Variants in CNTNAP2 observed in about 807,000 individuals in gnomAD.
The protein encoded by CNTNAP2 is contactin associated protein 2, also known as contactin-associated protein-like 2.
CNTNAP2 carries 98 observed loss-of-function variants against 155.2 expected under a neutral mutation model. The observed-to-expected ratio is 0.63, with a 90% CI of 0.54 to 0.75. The LOEUF (loss-of-function observed/expected upper bound fraction) is 0.75, where lower values mean the gene tolerates loss of function less well. Among genes scored for constraint, CNTNAP2 ranks in the 30% least tolerant of loss-of-function variants. The pLI, the probability that CNTNAP2 is intolerant of heterozygous loss-of-function variation, is 0.00. For synonymous variants in CNTNAP2, 651 were observed against 631.2 expected (o/e 1.03, Z -0.47); for missense variants, 1,727 against 1,688.1 (o/e 1.02, Z -0.40).
At chr7:147,426,776 C>A (rs1388604767) in intron 10 of CNTNAP2, among the ~76,000 whole-genome samples, 2 of 152,026 alleles carry the variant, frequency 1.3e-5, no homozygotes, top group Non-Finnish European at 2.9e-5. Flanking sequence ...AGTGTCTCAC[C>A]TGGGGAAAAG....
rs3050924 is a variant in CNTNAP2 at position 146,373,405 on chromosome 7, TAC to T, written c.97+256459_97+256460del. ...AGAAAAATAAAAGGAACTTAACACA[TAC>T]ACACACACACACACACACACACACA... On this transcript the variant is annotated intron_variant, in intron 1 of 23. Transcript: ENST00000361727. Among the ~76,000 whole-genome samples the T allele has an allele frequency of 4.3e-3, 608 of 143,022 alleles. 2 individuals are homozygous for T. The highest frequency in any genetic ancestry group is 0.02 in the South Asian group (89 of 4,452). 93.8% of individuals were successfully genotyped at this position (143,022 alleles called of 152,430 possible).
chr7:146,446,051 A>G lies in CNTNAP2; in HGVS notation c.98-328220A>G, dbSNP rs1004480211. On this transcript the variant is annotated intron_variant, in intron 1 of 23. Transcript: ENST00000361727. ...AGAATCACATTAACTCCAGAGCAGA[A>G]AAGAACCGTAGATCATTCTTACTAA... is the stretch of plus-strand genomic sequence containing the variant. Among the ~76,000 whole-genome samples the G allele has an allele frequency of 3.3e-5, 5 of 152,170 alleles. No homozygotes were observed. In the East Asian group the frequency reaches 9.6e-4, roughly 29 times the overall value.
At chr7:146,452,885 A>G (rs1796503565) in intron 1 of CNTNAP2, among the ~76,000 whole-genome samples, 1 of 152,210 alleles carries the variant, frequency 6.6e-6, no homozygotes, top group Admixed American at 6.5e-5. Context: ...TGATTTTGCA[A>G]GACTCTGAAC....
chr7:147,627,663 G>A (rs1263820736), intron 12 of CNTNAP2, among the ~76,000 whole-genome samples: 1 of 132,562 alleles, frequency 7.5e-6, no homozygotes, highest in African/African-American at 3.0e-5. Context: ...TTGCACTCCA[G>A]CCTGGGGGAC....
intron 1 of CNTNAP2, among the ~76,000 whole-genome samples, chr7:146,422,078 T>C (rs1399219137): frequency 6.6e-6 from 1 of 151,548 alleles, no homozygotes; most frequent in East Asian, 1.9e-4. Context: ...AACTGTATTA[T>C]TTATTATTTT....
chr7:147,554,037 A>G (rs1425179249), intron 11 of CNTNAP2, among the ~76,000 whole-genome samples: 1 of 152,090 alleles, frequency 6.6e-6, no homozygotes, highest in East Asian at 1.9e-4. Context: ...GCAGCAACAT[A>G]AGCAACCTCT....
chr7:148,061,972 T>TAAAC (rs1470324446), intron 15 of CNTNAP2, among the ~76,000 whole-genome samples: 3 of 127,964 alleles, frequency 2.3e-5, no homozygotes, highest in Admixed American at 8.1e-5. Flanking sequence ...GATAGATAGA[T>TAAAC]AGATAGATAG....
chr7:147,576,230 T>A (rs35344703), intron 12 of CNTNAP2, among the ~76,000 whole-genome samples: 3,825 of 152,224 alleles, frequency 0.025, 80 homozygotes, highest in Non-Finnish European at 0.043. Context: ...CTACTACTGC[T>A]GTGAATAGAC....
At chr7:146,731,974 A>G (rs1213244417) in intron 1 of CNTNAP2, among the ~76,000 whole-genome samples, 2 of 152,184 alleles carry the variant, frequency 1.3e-5, no homozygotes, top group Non-Finnish European at 2.9e-5. Context: ...GATAGAGAAT[A>G]GAGTGATATC....
chr7:146,656,414 A>G (rs551994595), intron 1 of CNTNAP2, among the ~76,000 whole-genome samples: 32 of 152,246 alleles, frequency 2.1e-4, no homozygotes, highest in Non-Finnish European at 2.9e-4. Flanking sequence ...TTGAAACAGT[A>G]TATCTGTGAA....
intron 10 of CNTNAP2, among the ~76,000 whole-genome samples, chr7:147,404,997 C>G (rs956377423): frequency 5.3e-5 from 8 of 152,142 alleles, no homozygotes; most frequent in Non-Finnish European, 1.2e-4. Context: ...TTTTAAGATT[C>G]AACAGCAGCT....
chr7:148,334,252 G>A (rs1369144034), intron 21 of CNTNAP2, among the ~76,000 whole-genome samples: 2 of 152,124 alleles, frequency 1.3e-5, no homozygotes, highest in Non-Finnish European at 2.9e-5. Flanking sequence ...GTTTTCATGA[G>A]GGATCCCAGG....
chr7:148,216,561 A>G (rs1175290643), intron 18 of CNTNAP2, among the ~76,000 whole-genome samples: 1 of 152,124 alleles, frequency 6.6e-6, no homozygotes, highest in South Asian at 2.1e-4. Context: ...TGTACCAGGG[A>G]TTTATTTTTG....
At chr7:147,984,511 A>G (rs10269250) in intron 15 of CNTNAP2, among the ~76,000 whole-genome samples, 15,723 of 152,080 alleles carry the variant, frequency 0.1, 1,066 homozygotes, top group African/African-American at 0.2. Context: ...TTTCTACTCT[A>G]TTCAATCAGA....
chr7:147,335,551 G>T (rs1042394126), intron 9 of CNTNAP2, among the ~76,000 whole-genome samples: 3 of 152,048 alleles, frequency 2.0e-5, no homozygotes, highest in Non-Finnish European at 4.4e-5. Context: ...AGCCCCCAAA[G>T]AAAATAAATG....
chr7:147,464,618 G>A (rs1402990376), intron 10 of CNTNAP2, among the ~76,000 whole-genome samples: 2 of 152,036 alleles, frequency 1.3e-5, no homozygotes, highest in Non-Finnish European at 2.9e-5. Context: ...TAAATAAGGA[G>A]TTCTGTAATT....
At chr7:148,318,718 A>G (rs6979974) in intron 21 of CNTNAP2, among the ~76,000 whole-genome samples, 19,501 of 152,226 alleles carry the variant, frequency 0.13, 1,813 homozygotes, top group African/African-American at 0.26. Flanking sequence ...GGATAATTAC[A>G]TATTTCCCTC....
rs190038861 is a variant in CNTNAP2 at position 146,832,836 on chromosome 7, C to T, written c.209-6875C>T. On this transcript the variant is annotated intron_variant, in intron 2 of 23. Transcript: ENST00000361727. ...TCAGCCTCCCTACTAGCTGGGATTA[C>T]GGGCACCCGCCACCACGCCTGGCAA... 1.4e-3 allele frequency among the ~76,000 whole-genome samples: 215 copies of T among 152,004 alleles called. 1 individual carries two copies. The highest frequency in any genetic ancestry group is 4.8e-3 in the African/African-American group (200 of 41,484).
chr7:146,401,871 C>T lies in CNTNAP2; in HGVS notation c.97+284898C>T, dbSNP rs547539947. Among the ~76,000 whole-genome samples the T allele has an allele frequency of 3.3e-5, 5 of 152,232 alleles. No individual in the cohort carries two copies. In the South Asian group the frequency reaches 1.0e-3, roughly 32 times the overall value. On this transcript the variant is annotated intron_variant, in intron 1 of 23. Coordinates refer to ENST00000361727, the MANE Select transcript of CNTNAP2 (RefSeq NM_014141.6). ...ATTTTATCACTGCCAAGTAACATCTCCAGTCTGTTTTATGCAAAAGAAATT... is the reference window on the plus strand; with the variant it reads ...ATTTTATCACTGCCAAGTAACATCTTCAGTCTGTTTTATGCAAAAGAAATT...
Sources: allele counts gnomAD v4.1 joint callset (sites outside exome capture counted in the v4.1 genomes callset), GRCh38; gene constraint gnomAD v4.1.1; transcripts MANE v1.5; gene names NCBI Gene and HGNC (gene_info 2026-07-23, HGNC 2026-07-21).